Variants in UTRN observed in about 807,000 individuals in gnomAD.
The protein encoded by UTRN is dystrophin-related protein 1.
In UTRN, 283 loss-of-function variants were observed where a neutral mutation model predicts 463.9. The ratio of observed to expected loss-of-function variants is 0.61; its 90% CI spans 0.55 to 0.67. UTRN has a LOEUF of 0.67. UTRN is among the 30% of genes least tolerant of loss of function. The pLI is 0.00. For synonymous variants in UTRN, 1,442 were observed against 1,431.5 expected (o/e 1.01, Z -0.17); for missense variants, 3,922 against 4,084.3 (o/e 0.96, Z 1.08).
intron 51 of UTRN, among the ~76,000 whole-genome samples, chr6:144,578,338 A>T (rs1208705262): frequency 6.6e-6 from 1 of 152,068 alleles, no homozygotes; most frequent in Non-Finnish European, 1.5e-5. Context: ...ACCTGTGAAC[A>T]CGTGTTCCAT....
chr6:144,286,181 C>T lies in UTRN; in HGVS notation c.-93+360C>T, dbSNP rs998107796. The stretch of plus-strand genomic sequence containing the variant: ...CCGCCGGGGTGACAGAGTCGCCCTC[C>T]GTGCATCGCGCGGTGCAGGGCGCTG... On this transcript the variant is annotated intron_variant, in intron 1 of 74. Transcript: ENST00000367545. The surrounding 1 kb of genome is among the most constrained non-coding windows in gnomAD (Gnocchi z 4.4). 1.5e-4 allele frequency among the ~76,000 whole-genome samples: 23 copies of T among 152,346 alleles called. 1 individual carries two copies. In the East Asian group the frequency reaches 4.1e-3, roughly 27 times the overall value.
At chr6:144,309,421 A>G (rs1353275475) in intron 2 of UTRN, among the ~76,000 whole-genome samples, 2 of 152,208 alleles carry the variant, frequency 1.3e-5, no homozygotes, top group Non-Finnish European at 2.9e-5. Flanking sequence ...TAAACCCCAA[A>G]GCTGATCCCA....
chr6:144,764,054 G>A (rs10499234), intron 58 of UTRN, among the ~76,000 whole-genome samples: 21,351 of 152,090 alleles, frequency 0.14, 3,093 homozygotes, highest in African/African-American at 0.37. Context: ...GTACTGGAGA[G>A]TCTGTCTTTC....
intron 73 of UTRN, among the ~76,000 whole-genome samples, chr6:144,842,848 A>G (rs985824670): frequency 2.7e-5 from 4 of 149,500 alleles, no homozygotes; most frequent in Non-Finnish European, 4.4e-5. Flanking sequence ...ATGCATGTGC[A>G]CACCCATATA....
chr6:144,829,075 T>C (rs1780439251), intron 69 of UTRN, among the ~76,000 whole-genome samples: 1 of 152,196 alleles, frequency 6.6e-6, no homozygotes, highest in Admixed American at 6.6e-5. Context: ...GAAAAAAATC[T>C]TACATTTGTC....
intron 58 of UTRN, among the ~76,000 whole-genome samples, chr6:144,769,991 G>A (rs563984926): frequency 3.9e-5 from 6 of 152,228 alleles, no homozygotes; most frequent in African/African-American, 1.2e-4. Flanking sequence ...TTCAGTACCC[G>A]GCTCCATGGT....
chr6:144,433,413 C>T (rs563863506), intron 9 of UTRN, among the ~76,000 whole-genome samples: 92 of 151,680 alleles, frequency 6.1e-4, no homozygotes, highest in African/African-American at 2.2e-3. Flanking sequence ...GGAGACGCTC[C>T]TCACTTCCCA....
intron 60 of UTRN, among the ~76,000 whole-genome samples, chr6:144,776,484 G>T (rs1775335993): frequency 6.6e-6 from 1 of 152,182 alleles, no homozygotes; most frequent in Admixed American, 6.5e-5. Context: ...TGGGCTCCAA[G>T]ATTGTGCAGG....
chr6:144,717,733 C>T (rs9321988), intron 53 of UTRN, among the ~76,000 whole-genome samples: 68,026 of 148,790 alleles, frequency 0.46, 20,728 homozygotes, highest in East Asian at 0.87. Context: ...CCTCCCGGGT[C>T]CAAATGACTC....
intron 2 of UTRN, among the ~76,000 whole-genome samples, chr6:144,296,458 A>C (rs1319269721): frequency 2.0e-5 from 3 of 152,208 alleles, no homozygotes; most frequent in Non-Finnish European, 4.4e-5. Context: ...GGACTGCTGC[A>C]CTTTAATTAA....
chr6:144,344,496 G>T (rs1002497325), intron 2 of UTRN, among the ~76,000 whole-genome samples: 3 of 152,194 alleles, frequency 2.0e-5, no homozygotes, highest in Non-Finnish European at 4.4e-5. Context: ...AACGCTGTCT[G>T]CTTCACACTT....
chr6:144,448,519 A>G, intron 16 of UTRN, 81 bp from the exon 17 acceptor site: 1 of 1,496,332 alleles, frequency 6.7e-7, no homozygotes, highest in Admixed American at 2.0e-5. Context: ...GTGTATTTCA[A>G]AGAAAGAATT....
chr6:144,533,013 C>A, intron 42 of UTRN, 72 bp from the exon 43 acceptor site: 3 of 780,506 alleles, frequency 3.8e-6, no homozygotes, highest in Non-Finnish European at 6.3e-6. Flanking sequence ...TACCACAATA[C>A]TTGGGTGGAT....
At chr6:144,639,869 G>A (rs1041658863) in intron 51 of UTRN, among the ~76,000 whole-genome samples, 10 of 152,136 alleles carry the variant, frequency 6.6e-5, no homozygotes, top group African/African-American at 1.7e-4. Flanking sequence ...AGGGAAGAGC[G>A]TCTGCAGATA....
chr6:144,427,882 G>A (rs897138538), intron 7 of UTRN, among the ~76,000 whole-genome samples: 3 of 152,164 alleles, frequency 2.0e-5, no homozygotes, highest in African/African-American at 7.2e-5. Context: ...TTCCAACAGA[G>A]GGAGACAAGA....
chr6:144,776,132 T>A lies in UTRN; in HGVS notation c.8632+1768T>A, dbSNP rs145943441. 2.8e-3 allele frequency among the ~76,000 whole-genome samples: 428 copies of A among 152,298 alleles called. 1 individual carries two copies. The highest frequency in any genetic ancestry group is 9.8e-3 in the African/African-American group (408 of 41,568). On this transcript the variant is annotated intron_variant, in intron 60 of 74. Transcript: ENST00000367545. The stretch of plus-strand genomic sequence containing the variant: ...ATCAGTTTATTATTAATCTGCTTCT[T>A]CCTCTCCCTTCCTTTCAGTTTACTA...
intron 54 of UTRN, among the ~76,000 whole-genome samples, chr6:144,740,951 C>T (rs1021871239): frequency 2.6e-5 from 4 of 152,100 alleles, no homozygotes; most frequent in African/African-American, 9.7e-5. Context: ...ATCGTTTACA[C>T]GTGTGTATTT....
Position 144,426,438 on chromosome 6 carries a change from A to G in UTRN, c.557A>G (p.Asn186Ser). ...AGCTGGACAGATGGACTCGCCTTTAATGCTGTCCTCCACCGACATAAGTGA... is the reference window on the plus strand; with the variant it reads ...AGCTGGACAGATGGACTCGCCTTTAGTGCTGTCCTCCACCGACATAAGTGA... ...TTSWTDGLAF[N>S]AVLHRHKPDL... The change falls in exon 7 of 75, where the codon AAT (asparagine) becomes AGT (serine). Residue 186 changes from asparagine to serine, a missense_variant. Asn to Ser is a conservative substitution (Grantham distance 46). This residue lies in a region of UTRN where 264 missense variants were observed against 327.9 expected (regional missense o/e 0.81). Transcript: ENST00000367545. 4 of 1,613,986 alleles carry G rather than the reference A, an allele frequency of 2.5e-6. No individual in the cohort carries two copies. The highest frequency in any genetic ancestry group is 2.7e-5 in the African/African-American group (2 of 75,026).
chr6:144,591,161 G>T (rs1803025910), intron 51 of UTRN, among the ~76,000 whole-genome samples: 2 of 152,146 alleles, frequency 1.3e-5, no homozygotes, highest in South Asian at 4.2e-4. Flanking sequence ...TCTTAACAAG[G>T]ATGTTCACAT....
Sources: allele counts gnomAD v4.1 joint callset (sites outside exome capture counted in the v4.1 genomes callset), GRCh38; gene constraint gnomAD v4.1.1; regional missense constraint gnomAD v4.1.1; non-coding constraint Gnocchi (gnomAD v3.1); transcripts MANE v1.5; gene names NCBI Gene and HGNC (gene_info 2026-07-23, HGNC 2026-07-21).